The following APLP2 variants were observed in gnomAD, a reference collection of about 807,000 sequenced individuals.
APLP2 encodes the protein CDEI box-binding protein.
Under a neutral mutation model 89.9 loss-of-function variants are expected in APLP2, and 53 were observed. The ratio of observed to expected loss-of-function variants is 0.59; its 90% confidence interval spans 0.47 to 0.74. The LOEUF (loss-of-function observed/expected upper bound fraction) is 0.74, where lower values mean the gene tolerates loss of function less well. Among genes scored for constraint, APLP2 ranks in the 30% least tolerant of loss-of-function variants. The pLI is 0.00. For missense variants in APLP2, 973 were observed against 975.9 expected (o/e 1.00, Z 0.04); for synonymous variants, 372 against 348.6 (o/e 1.07, Z -0.75).
chr11:130,105,608 C>T (rs1947588225), intron 1 of APLP2, among the ~76,000 whole-genome samples: 1 of 151,504 alleles, frequency 6.6e-6, no homozygotes, highest in African/African-American at 2.4e-5. Context: ...GTTGGGGACT[C>T]TTATGGCTAT....
intron 1 of APLP2, among the ~76,000 whole-genome samples, chr11:130,082,998 A>G (rs1044552395): frequency 2.7e-5 from 4 of 148,418 alleles, no homozygotes; most frequent in African/African-American, 7.6e-5. Flanking sequence ...ACATAACAAA[A>G]TATATTAACC....
intron 2 of APLP2, among the ~76,000 whole-genome samples, chr11:130,110,074 A>C (rs981696594): frequency 6.6e-6 from 1 of 152,216 alleles, no homozygotes; most frequent in Admixed American, 6.5e-5. Context: ...TCCTGGCCTC[A>C]AGCCATCCTC....
In APLP2 at chr11:130,131,139, C is replaced by T. The variant is rs59478748; in HGVS notation, c.1584+973C>T. On this transcript the variant is annotated intron_variant, in intron 11 of 16. Coordinates refer to ENST00000338167, the MANE Select transcript of APLP2 (RefSeq NM_001142276.2). ...TTTGAGATGGAGTCCCACTCTGTCACTCAGGCTGGGTTGCAATGGCACCAT... is the reference window on the plus strand; with the variant it reads ...TTTGAGATGGAGTCCCACTCTGTCATTCAGGCTGGGTTGCAATGGCACCAT... Among the ~76,000 whole-genome samples, 742 of 152,332 alleles carry T rather than the reference C, an allele frequency of 4.9e-3. 5 individuals carry two copies. Among genetic ancestry groups the T allele is most frequent in the African/African-American group, 0.017 (706 of 41,568 alleles).
At chr11:130,132,278 T>C (rs1951015369) in intron 11 of APLP2, among the ~76,000 whole-genome samples, 1 of 152,226 alleles carries the variant, frequency 6.6e-6, no homozygotes, top group Non-Finnish European at 1.5e-5. Flanking sequence ...GAATGGCAAA[T>C]ATAAAATTAA....
chr11:130,082,507 ACT>A (rs1367307427), intron 1 of APLP2: 1 of 156,606 alleles, frequency 6.4e-6, no homozygotes, highest in Non-Finnish European at 1.4e-5. Flanking sequence ...TAATTTTCTG[ACT>A]CTGTGCTTGT....
At chr11:130,092,525 GC>G (rs1345625798) in intron 1 of APLP2, among the ~76,000 whole-genome samples, 2 of 144,356 alleles carry the variant, frequency 1.4e-5, no homozygotes, top group East Asian at 2.1e-4. Context: ...CTGGAGACCG[GC>G]CCGGCCAACA....
At chr11:130,138,608 G>C (rs1465850553) in intron 13 of APLP2, among the ~76,000 whole-genome samples, 1 of 109,218 alleles carries the variant, frequency 9.2e-6, no homozygotes. Context: ...TTTTTTTTGA[G>C]ATGGGGTCTT....
rs200359846 is a variant in APLP2 at position 130,129,091 on chromosome 11, G to A, written c.1340G>A (p.Ser447Asn). 13 of 1,614,216 alleles carry A rather than the reference G, an allele frequency of 8.1e-6. No individual in the cohort carries two copies. The East Asian group carries it at 1.1e-4, about 14-fold the overall frequency. The stretch of plus-strand genomic sequence containing the variant: ...AAAGCTTTAGAGAAGGAAGCAGCCA[G>A]TGAGAAGCAGCAGCTGGTGGAGACC... ...MVKALEKEAA[S>N]EKQQLVETHL... Residue 447 changes from serine to asparagine, a missense_variant, in exon 10 of 17, where the codon AGT becomes AAT. Transcript: ENST00000338167.
chr11:130,093,042 G>A (rs1296407821), intron 1 of APLP2, among the ~76,000 whole-genome samples: 1 of 152,136 alleles, frequency 6.6e-6, no homozygotes, highest in African/African-American at 2.4e-5. Context: ...CTCCCTACCT[G>A]GCAGTCTAGG....
chr11:130,140,199 G>A lies in APLP2; in HGVS notation c.1838-199G>A, dbSNP rs562873409. On this transcript the variant is annotated intron_variant, in intron 13 of 16. Coordinates refer to ENST00000338167, the MANE Select transcript of APLP2 (RefSeq NM_001142276.2). Reference sequence around the variant, plus strand: ...CCCTCCTCCTCCATTATACCCATTGGTCTCTGCAAATGCCTGTCTCATTCA... The same window carrying A: ...CCCTCCTCCTCCATTATACCCATTGATCTCTGCAAATGCCTGTCTCATTCA... Among the ~76,000 whole-genome samples the A allele has an allele frequency of 4.6e-5, 7 of 152,254 alleles. No individual in the cohort carries two copies. In the East Asian group the frequency reaches 1.4e-3, roughly 29 times the overall value.
intron 2 of APLP2, among the ~76,000 whole-genome samples, chr11:130,110,050 G>T (rs193034322): frequency 1.3e-5 from 2 of 152,288 alleles, no homozygotes; most frequent in East Asian, 3.9e-4. Context: ...ACATTGGCCA[G>T]GGTACTCTCA....
At chr11:130,124,919 T>C (rs1325063011) in intron 7 of APLP2, among the ~76,000 whole-genome samples, 1 of 152,260 alleles carries the variant, frequency 6.6e-6, no homozygotes, top group African/African-American at 2.4e-5. Context: ...GACTGAAGCC[T>C]GAGGAATCCC....
chr11:130,136,199 A>G (rs553925203), intron 13 of APLP2, among the ~76,000 whole-genome samples: 2 of 152,090 alleles, frequency 1.3e-5, no homozygotes, highest in Non-Finnish European at 2.9e-5. Flanking sequence ...GCTGGTTCTC[A>G]GTGTCTAAGA....
At position 130,069,945 on chromosome 11, in the gene APLP2, T is replaced by C; in HGVS notation, c.-33T>C. The C allele has an allele frequency of 6.8e-7, 1 of 1,472,726 alleles. No individual in the cohort carries two copies. The highest frequency in any genetic ancestry group is 1.2e-5 in the South Asian group (1 of 81,250). 91.2% of individuals were successfully genotyped at this position (1,472,726 alleles called of 1,614,324 possible). A position where few individuals can be genotyped will look rare whatever the true frequency, so the allele number is the denominator to read the frequency against. The stretch of plus-strand genomic sequence containing the variant: ...AGCGAGGAGTCCGAGTGTGTGAGCT[T>C]GAGAGCCGCGCGCTAGAGCGACCCG... On this transcript the variant is annotated 5_prime_UTR_variant, in exon 1 of 17. Coordinates refer to ENST00000338167, the MANE Select transcript of APLP2 (RefSeq NM_001142276.2).
chr11:130,077,466 C>T (rs979959331), intron 1 of APLP2, among the ~76,000 whole-genome samples: 4 of 152,118 alleles, frequency 2.6e-5, no homozygotes, highest in Admixed American at 1.3e-4. Context: ...GCTTTTTACC[C>T]GGAGAGGTGA....
rs752582093 is a variant in APLP2, at chr11:130,123,777, T to C, written c.1088T>C (p.Met363Thr). Residue 363 changes from methionine (M) to threonine (T), a missense_variant and splice_region_variant, in exon 7 of 17, where the codon ATG (methionine) becomes ACG (threonine). Transcript: ENST00000338167. This position sits in a 1 kb window ranked among gnomAD's most constrained non-coding sequence, Gnocchi z 4.0. ...TATTGTATGGCTGTGTGTAAAGCGA[T>C]GAGTAAGTCCTGCCTCGCGCTGGTC... is the stretch of plus-strand genomic sequence containing the variant. The part of the protein sequence containing the change: ...EDYCMAVCKA[M>T]IPPTPLPTND... 12 of 1,614,152 alleles carry C rather than the reference T, an allele frequency of 7.4e-6. No individual in the cohort carries two copies. Among genetic ancestry groups the C allele is most frequent in the Non-Finnish European group, 1.0e-5 (12 of 1,179,976 alleles).
In APLP2 at chr11:130,137,286, A is replaced by G. The variant is rs938662640; in HGVS notation, c.1837+1571A>G. On this transcript the variant is annotated intron_variant, in intron 13 of 16. Transcript: ENST00000338167. ...CAGCCGGAGTTGTACCACCCAATGA[A>G]AAAAGGTTGGTTTGTCCAAGATGTT... 1.2e-5 allele frequency: 19 copies of G among 1,614,056 alleles called. No individual in the cohort carries two copies. The highest frequency in any genetic ancestry group is 1.6e-5 in the Non-Finnish European group (19 of 1,179,918).
intron 1 of APLP2, among the ~76,000 whole-genome samples, chr11:130,098,399 G>A (rs1322450381): frequency 3.4e-5 from 5 of 146,012 alleles, no homozygotes; most frequent in Admixed American, 6.8e-5. Context: ...GGGAGACTCC[G>A]TCTCAAAAAA....
intron 1 of APLP2, among the ~76,000 whole-genome samples, chr11:130,092,888 C>G (rs956438420): frequency 6.6e-6 from 1 of 152,030 alleles, no homozygotes; most frequent in Non-Finnish European, 1.5e-5. Context: ...TCATCTTAGC[C>G]GGGAGGAGCC....
Sources: allele counts gnomAD v4.1 joint callset (sites outside exome capture counted in the v4.1 genomes callset), GRCh38; gene constraint gnomAD v4.1.1; non-coding constraint Gnocchi (gnomAD v3.1); transcripts MANE v1.5; gene names NCBI Gene and HGNC (gene_info 2026-07-23, HGNC 2026-07-21).